CCNY: variants seen among roughly 807,000 people sequenced by gnomAD.
CCNY encodes the protein cyclin Y.
A neutral mutation model predicts 42.8 loss-of-function variants in CCNY; 19 were observed. The ratio of observed to expected loss-of-function variants is 0.44; its 90% CI spans 0.31 to 0.65. The LOEUF is 0.65. CCNY is among the 30% of genes least tolerant of loss of function. CCNY has a pLI of 0.07. For missense variants in CCNY, 370 were observed against 437.3 expected, an observed-to-expected ratio of 0.85 and a Z score of 1.37; for synonymous variants, 165 against 162.7, an observed-to-expected ratio of 1.01 and a Z score of -0.11.
chr10:35,311,181 G>A lies in CCNY; in HGVS notation c.-9+60555G>A, dbSNP rs140934906. On this transcript the variant is annotated intron_variant, in intron 3 of 11. Transcript: ENST00000374706. ...AAAATAATTAAAGTTAGCTAGACAC[G>A]GTGGTGCATTCCTGTAGTCCCAGCT... Among the ~76,000 whole-genome samples, 315 of 151,844 alleles carry A rather than the reference G, an allele frequency of 2.1e-3. 1 individual carries two copies. Among genetic ancestry groups the A allele is most frequent in the African/African-American group, 7.2e-3 (299 of 41,420 alleles).
intron 1 of CCNY, among the ~76,000 whole-genome samples, chr10:35,479,625 G>A (rs1839615643): frequency 7.4e-6 from 1 of 134,700 alleles, no homozygotes; most frequent in African/African-American, 2.7e-5. Flanking sequence ...GGGAGGGGGG[G>A]GAGGGATAGC....
chr10:35,520,424 AC>A (rs1379530870), intron 4 of CCNY, among the ~76,000 whole-genome samples: 1 of 151,966 alleles, frequency 6.6e-6, no homozygotes, highest in Non-Finnish European at 1.5e-5. Context: ...CTTGCACCCT[AC>A]TCCAGACATT....
At chr10:35,514,075 C>CAAAAAAA (rs11451104) in intron 3 of CCNY, among the ~76,000 whole-genome samples, 7 of 76,178 alleles carry the variant, frequency 9.2e-5, no homozygotes, top group Non-Finnish European at 1.2e-4. Flanking sequence ...AGGACCAGTT[C>CAAAAAAA]AAAAAAAAAA....
intron 4 of CCNY, among the ~76,000 whole-genome samples, chr10:35,520,968 A>G (rs1325762877): frequency 1.3e-5 from 2 of 152,174 alleles, no homozygotes; most frequent in Admixed American, 1.3e-4. Flanking sequence ...CTTGGCCTCC[A>G]GGGCCAGGGA....
chr10:35,310,857 T>C (rs78581713), intron 3 of CCNY, among the ~76,000 whole-genome samples: 2 of 152,314 alleles, frequency 1.3e-5, no homozygotes, highest in East Asian at 3.9e-4. Context: ...AAACAGAGGA[T>C]TGGCCGGGAA....
intron 3 of CCNY, among the ~76,000 whole-genome samples, chr10:35,322,044 T>A (rs1205748007): frequency 6.6e-6 from 1 of 152,138 alleles, no homozygotes; most frequent in Admixed American, 6.6e-5. Context: ...TCAAATTGGA[T>A]CATGTACCTA....
intron 7 of CCNY, among the ~76,000 whole-genome samples, chr10:35,531,816 T>C (rs1840776140): frequency 6.6e-6 from 1 of 152,190 alleles, no homozygotes; most frequent in African/African-American, 2.4e-5. Flanking sequence ...ATTATTTAGC[T>C]TGAAGGATGT....
chr10:35,265,905 G>C (rs1205555456), intron 3 of CCNY, among the ~76,000 whole-genome samples: 2 of 152,142 alleles, frequency 1.3e-5, no homozygotes, highest in African/African-American at 4.8e-5. Context: ...AGGCCACCGG[G>C]AGAGGCTGTG....
intron 1 of CCNY, among the ~76,000 whole-genome samples, chr10:35,448,806 A>G (rs953748655): frequency 1.3e-5 from 2 of 152,188 alleles, no homozygotes; most frequent in Admixed American, 6.5e-5. Context: ...ATGGGGGCCA[A>G]TGTGGAGTTT....
chr10:35,337,264 A>C (rs916450067), intron 1 of CCNY, 57 bp downstream of exon 1: 13 of 1,407,056 alleles, frequency 9.2e-6, no homozygotes, highest in South Asian at 2.9e-5. Context: ...CGCACAGCCA[A>C]CGTCGGGGCG....
intron 3 of CCNY, among the ~76,000 whole-genome samples, chr10:35,326,496 G>A (rs1477000172): frequency 1.3e-5 from 2 of 152,202 alleles, no homozygotes; most frequent in African/African-American, 2.4e-5. Context: ...AAGCTAACAC[G>A]TTCAGTGCCC....
chr10:35,379,189 C>G (rs1837121968), intron 1 of CCNY, among the ~76,000 whole-genome samples: 1 of 152,132 alleles, frequency 6.6e-6, no homozygotes, highest in Non-Finnish European at 1.5e-5. Flanking sequence ...GGAGAGCAGG[C>G]AGGCTCTCGG....
At chr10:35,484,592 A>AT (rs1021465012) in intron 2 of CCNY, among the ~76,000 whole-genome samples, 1 of 151,872 alleles carries the variant, frequency 6.6e-6, no homozygotes, top group African/African-American at 2.4e-5. Flanking sequence ...CAAAAGAAAC[A>AT]TTTTTTTCCT....
chr10:35,314,912 G>T (rs906367368), intron 3 of CCNY: 1 of 151,946 alleles, frequency 6.6e-6, no homozygotes, highest in East Asian at 1.9e-4. Flanking sequence ...GAGAAACCCC[G>T]TCTCTACAAA....
intron 3 of CCNY, among the ~76,000 whole-genome samples, chr10:35,310,733 T>A (rs1447573528): frequency 6.6e-6 from 1 of 152,230 alleles, no homozygotes; most frequent in Admixed American, 6.5e-5. Flanking sequence ...CTTTGTAGTG[T>A]GATTACTTTT....
chr10:35,382,385 T>A (rs570878314), intron 1 of CCNY, among the ~76,000 whole-genome samples: 2 of 152,234 alleles, frequency 1.3e-5, no homozygotes, highest in South Asian at 4.1e-4. Flanking sequence ...CAAAGGGGGC[T>A]TGATGCCTTC....
At chr10:35,463,216 T>G (rs1406827315) in intron 1 of CCNY, among the ~76,000 whole-genome samples, 1 of 152,240 alleles carries the variant, frequency 6.6e-6, no homozygotes, top group Non-Finnish European at 1.5e-5. Context: ...CTGGTTCTCC[T>G]TATTCATCTA....
intron 1 of CCNY, among the ~76,000 whole-genome samples, chr10:35,479,720 G>T (rs1055029356): frequency 6.6e-6 from 1 of 150,924 alleles, no homozygotes; most frequent in Non-Finnish European, 1.5e-5. Context: ...TAACTAACCT[G>T]CACAATGTGC....
chr10:35,290,503 T>C (rs1422482937), intron 3 of CCNY, among the ~76,000 whole-genome samples: 2 of 152,228 alleles, frequency 1.3e-5, no homozygotes, highest in Non-Finnish European at 2.9e-5. Context: ...CCTGTTAATG[T>C]GCTAAATTTC....
Sources: allele counts gnomAD v4.1 joint callset (sites outside exome capture counted in the v4.1 genomes callset), GRCh38; gene constraint gnomAD v4.1.1; transcripts MANE v1.5; gene names NCBI Gene and HGNC (gene_info 2026-07-23, HGNC 2026-07-21).